Variants in UNC13C observed in about 807,000 individuals in gnomAD.
UNC13C encodes unc-13 homolog C.
In UNC13C, 174 loss-of-function variants were observed where a neutral mutation model predicts 245.4. That is an observed-to-expected ratio of 0.71 (90% CI 0.63 to 0.80). UNC13C has a LOEUF of 0.80. Among genes scored for constraint, UNC13C ranks in the 30% least tolerant of loss-of-function variants. The pLI, the probability that UNC13C is intolerant of heterozygous loss-of-function variation, is 0.00. For missense variants in UNC13C, 2,829 were observed against 2,602.9 expected (o/e 1.09, Z -1.89); for synonymous variants, 992 against 895.1 (o/e 1.11, Z -1.93).
chr15:53,951,560 A>G, the UNC13C span, among the ~76,000 whole-genome samples: 3 of 152,224 alleles, frequency 2.0e-5, no homozygotes, highest in Non-Finnish European at 4.4e-5. Context: ...CCTTTGTGAC[A>G]TAGGTATTGG....
chr15:53,904,201 G>T, the UNC13C span, among the ~76,000 whole-genome samples: 1 of 152,008 alleles, frequency 6.6e-6, no homozygotes. Flanking sequence ...AGACTCTCTT[G>T]GTTCAGTTTC....
intron 30 of UNC13C, among the ~76,000 whole-genome samples, chr15:54,615,047 T>TTAGACA (rs2141296534): frequency 6.6e-6 from 1 of 152,034 alleles, no homozygotes; most frequent in African/African-American, 2.4e-5. Flanking sequence ...TGAGATGTAT[T>TTAGACA]TAGACATAGA....
chr15:54,494,872 T>C, intron 20 of UNC13C, 138 bp downstream of exon 20: 1 of 1,073,424 alleles, frequency 9.3e-7, no homozygotes, highest in South Asian at 1.5e-5. Context: ...AAGTTAACAT[T>C]AAAGGATTTG....
chr15:54,104,398 AT>A (rs1043362537), intron 2 of UNC13C, among the ~76,000 whole-genome samples: 2 of 151,970 alleles, frequency 1.3e-5, no homozygotes, highest in African/African-American at 4.8e-5. Flanking sequence ...ATATTCTTAG[AT>A]TTTTTTCCCC....
rs570769719 is a variant in UNC13C, at chr15:54,445,524, G to GTTTTGA, written c.4933+30460_4933+30461insTGATTT. 5.6e-3 allele frequency among the ~76,000 whole-genome samples: 844 copies of GTTTTGA among 151,422 alleles called. 9 individuals are homozygous for GTTTTGA. The highest frequency in any genetic ancestry group is 0.019 in the African/African-American group (786 of 41,302). Reference sequence around the variant, plus strand: ...TGGTGTGAGATGGTATCTCATTGTGGTTTGCATTTCTCTGATGGCCAGTGA... The same window carrying GTTTTGA: ...TGGTGTGAGATGGTATCTCATTGTGGTTTTGATTTGCATTTCTCTGATGGCCAGTGA... On this transcript the variant is annotated intron_variant, in intron 19 of 32. Coordinates refer to ENST00000260323, the MANE Select transcript of UNC13C (RefSeq NM_001080534.3).
At chr15:54,351,022 G>A (rs1371391300) in intron 17 of UNC13C, among the ~76,000 whole-genome samples, 1 of 152,124 alleles carries the variant, frequency 6.6e-6, no homozygotes, top group Non-Finnish European at 1.5e-5. Context: ...TTGTATAATA[G>A]TTACCCAGGA....
intron 2 of UNC13C, among the ~76,000 whole-genome samples, chr15:54,088,618 G>A (rs79348626): frequency 0.03 from 4,602 of 152,178 alleles, 144 homozygotes; most frequent in South Asian, 0.14. Context: ...TCTGATCAGA[G>A]CATGTTACTT....
intron 10 of UNC13C, among the ~76,000 whole-genome samples, chr15:54,276,216 C>T (rs62011990): frequency 0.025 from 3,742 of 152,102 alleles, 81 homozygotes; most frequent in East Asian, 0.073. Context: ...TTATGTTAAT[C>T]ATGGTGATGA....
the UNC13C span, among the ~76,000 whole-genome samples, chr15:53,904,150 C>T: frequency 2.0e-5 from 3 of 152,102 alleles, no homozygotes; most frequent in African/African-American, 7.2e-5. Flanking sequence ...AATAAGGAAA[C>T]TCTTTGGTTG....
intron 1 of UNC13C, among the ~76,000 whole-genome samples, chr15:53,992,926 T>G (rs982031599): frequency 6.6e-6 from 1 of 152,110 alleles, no homozygotes; most frequent in Non-Finnish European, 1.5e-5. Flanking sequence ...AGATAGAGTA[T>G]GTATGCACTA....
At chr15:54,106,603 T>C (rs1327009627) in intron 2 of UNC13C, among the ~76,000 whole-genome samples, 3 of 152,240 alleles carry the variant, frequency 2.0e-5, no homozygotes, top group East Asian at 3.8e-4. Context: ...TTTCTTTAAG[T>C]GAAGTTAATC....
chr15:54,227,631 C>T (rs751992512), intron 4 of UNC13C, among the ~76,000 whole-genome samples: 14 of 152,332 alleles, frequency 9.2e-5, no homozygotes, highest in Middle Eastern at 3.4e-3. Flanking sequence ...GGCTTGGCTT[C>T]AGCCTTGTTC....
the UNC13C span, among the ~76,000 whole-genome samples, chr15:53,949,956 T>C: frequency 6.6e-6 from 1 of 152,230 alleles, no homozygotes; most frequent in African/African-American, 2.4e-5. Context: ...TATTTGTTTT[T>C]TCATATTTTT....
intron 19 of UNC13C, among the ~76,000 whole-genome samples, chr15:54,484,955 T>C (rs1893328596): frequency 6.6e-6 from 1 of 152,188 alleles, no homozygotes; most frequent in African/African-American, 2.4e-5. Flanking sequence ...TGAGACATAC[T>C]TGAAACTGAT....
intron 2 of UNC13C, among the ~76,000 whole-genome samples, chr15:54,023,230 C>T (rs892141736): frequency 1.3e-5 from 2 of 152,148 alleles, no homozygotes; most frequent in Non-Finnish European, 2.9e-5. Context: ...CATCATATAG[C>T]GAATTAAGGG....
intron 28 of UNC13C, among the ~76,000 whole-genome samples, chr15:54,551,970 T>C (rs2141185657): frequency 6.6e-6 from 1 of 151,426 alleles, no homozygotes; most frequent in East Asian, 1.9e-4. Context: ...TTTTAATATA[T>C]TAATTTGAAA....
At chr15:54,282,078 A>G (rs2037011839) in intron 10 of UNC13C, among the ~76,000 whole-genome samples, 1 of 152,068 alleles carries the variant, frequency 6.6e-6, no homozygotes, top group Non-Finnish European at 1.5e-5. Context: ...AGAGGTTTGA[A>G]TTGACTCTAC....
chr15:54,156,758 G>A (rs2032764809), intron 4 of UNC13C, among the ~76,000 whole-genome samples: 2 of 100,818 alleles, frequency 2.0e-5, no homozygotes, highest in Admixed American at 1.0e-4. Flanking sequence ...GAAGCTGGAC[G>A]GTGCCTGCAA....
the UNC13C span, among the ~76,000 whole-genome samples, chr15:53,875,154 T>G: frequency 2.6e-5 from 4 of 152,186 alleles, no homozygotes; most frequent in Admixed American, 6.6e-5. Flanking sequence ...TTAAGTACAT[T>G]GAGCAGTGCT....
Sources: allele counts gnomAD v4.1 joint callset (sites outside exome capture counted in the v4.1 genomes callset), GRCh38; gene constraint gnomAD v4.1.1; transcripts MANE v1.5; gene names NCBI Gene and HGNC (gene_info 2026-07-23, HGNC 2026-07-21).